Variants in MDN1 observed in about 807,000 individuals in gnomAD.
MDN1 encodes the protein midasin.
A neutral mutation model predicts 669.2 loss-of-function variants in MDN1; 266 were observed. The ratio of observed to expected loss-of-function variants is 0.40; its 90% confidence interval spans 0.36 to 0.44. MDN1 has a LOEUF of 0.44. Ranked by LOEUF, MDN1 falls within the 20% of genes least tolerant of loss-of-function variation. MDN1 has a pLI of 1.00. For missense variants in MDN1, 5,940 were observed against 6,754.0 expected, an observed-to-expected ratio of 0.88 and a Z score of 4.22; for synonymous variants, 2,385 against 2,457.1, an observed-to-expected ratio of 0.97 and a Z score of 0.87.
rs376414809 is a variant in MDN1 at position 89,673,229 on chromosome 6, T to A, written c.13474+7A>T. ...CTTTCATTCCCTGACTGAACAATAT[T>A]CCTTACCTCCTTGGCTATCTGAAGT... On this transcript the variant is annotated splice_region_variant and intron_variant, in intron 80 of 101. Transcript: ENST00000369393. 7 of 1,607,742 alleles carry A rather than the reference T, an allele frequency of 4.4e-6. No individual in the cohort carries two copies. Among genetic ancestry groups the A allele is most frequent in the Non-Finnish European group, 6.0e-6 (7 of 1,174,206 alleles).
intron 10 of MDN1, 109 bp downstream of exon 10, chr6:89,781,290 G>T: frequency 1.9e-6 from 2 of 1,033,014 alleles, no homozygotes; most frequent in Non-Finnish European, 2.9e-6. Flanking sequence ...GGCGGAGGTT[G>T]GAGTGAGCCA....
At chr6:89,673,189 C>CA in intron 80 of MDN1, 47 bp downstream of exon 80, 1 of 1,477,550 alleles carries the variant, frequency 6.8e-7, no homozygotes, top group East Asian at 2.3e-5. Context: ...TATAAGACAT[C>CA]ATTTCTACAC....
chr6:89,701,778 G>A (rs1813178634), intron 54 of MDN1, 100 bp from the exon 55 acceptor site: 5 of 1,520,606 alleles, frequency 3.3e-6, no homozygotes, highest in South Asian at 2.6e-5. Context: ...TCTTTTAATT[G>A]TACATTCACC....
intron 10 of MDN1, among the ~76,000 whole-genome samples, chr6:89,780,543 T>C (rs1818615201): frequency 6.6e-6 from 1 of 151,858 alleles, no homozygotes; most frequent in South Asian, 2.1e-4. Context: ...TTCCAGGAAG[T>C]GACCTACCAA....
At chr6:89,696,018 A>G (rs1489288092) in intron 60 of MDN1, 26 bp from the exon 61 acceptor site, 2 of 1,591,494 alleles carry the variant, frequency 1.3e-6, no homozygotes, top group Non-Finnish European at 8.6e-7. Flanking sequence ...GAAAGCACTG[A>G]AAGGTTTGTA....
Position 89,718,647 on chromosome 6 carries a change from T to C in MDN1, c.6322-20A>G, listed in dbSNP as rs1019461852. The stretch of plus-strand genomic sequence containing the variant: ...ATCAACCTGTAATTTCCAGAGGACA[T>C]GAACTCATCATAGGGTCAGAGAATA... On this transcript the variant is annotated intron_variant, in intron 42 of 101. Transcript: ENST00000369393. The C allele has an allele frequency of 6.2e-7, 1 of 1,611,988 alleles. No individual in the cohort carries two copies.
chr6:89,738,227 C>A, intron 33 of MDN1, 99 bp downstream of exon 33: 8 of 1,371,238 alleles, frequency 5.8e-6, no homozygotes, highest in Non-Finnish European at 8.0e-6. Flanking sequence ...TATAACACAC[C>A]ATATACACAC....
chr6:89,734,691 A>AGAGAGAGAGAGAGAG (rs370691129), intron 33 of MDN1, among the ~76,000 whole-genome samples: 1,727 of 112,842 alleles, frequency 0.015, 68 homozygotes, highest in East Asian at 0.021. Context: ...AAAAAAAAAC[A>AGAGAGAGAGAGAGAG]AGAGAGAGAG....
chr6:89,815,261 C>CTCT (rs1259140045), intron 1 of MDN1: 1 of 435,002 alleles, frequency 2.3e-6, no homozygotes, highest in Non-Finnish European at 4.5e-6. Flanking sequence ...GCTCTCCCAG[C>CTCT]GCATCTGATA....
At chr6:89,718,338 C>A in intron 43 of MDN1, 28 bp downstream of exon 43, 1 of 1,602,420 alleles carries the variant, frequency 6.2e-7, no homozygotes, top group Non-Finnish European at 8.5e-7. Flanking sequence ...ATGGTAAGTT[C>A]CTGATACAGA....
intron 30 of MDN1, 106 bp downstream of exon 30, chr6:89,743,470 G>T: frequency 7.2e-7 from 1 of 1,396,314 alleles, no homozygotes; most frequent in Non-Finnish European, 9.8e-7. Context: ...CTGCAGATAT[G>T]CACATTTAAC....
chr6:89,742,175 G>A (rs1816329235), intron 31 of MDN1, among the ~76,000 whole-genome samples: 1 of 151,842 alleles, frequency 6.6e-6, no homozygotes, highest in African/African-American at 2.4e-5. Context: ...CACTTTGGGA[G>A]GCCAAGGTGG....
chr6:89,693,754 G>A (rs532176524), intron 62 of MDN1, among the ~76,000 whole-genome samples: 106 of 152,148 alleles, frequency 7.0e-4, no homozygotes, highest in African/African-American at 2.0e-3. Context: ...TCCCCAACCC[G>A]TACCATATTT....
At chr6:89,727,224 A>G (rs2768938) in intron 37 of MDN1, among the ~76,000 whole-genome samples, 27,582 of 152,100 alleles carry the variant, frequency 0.18, 2,814 homozygotes, top group South Asian at 0.31. Flanking sequence ...GACCTGTTGC[A>G]GCCTGTGTCC....
At chr6:89,697,570 C>T (rs567132601) in intron 59 of MDN1, among the ~76,000 whole-genome samples, 249 of 151,746 alleles carry the variant, frequency 1.6e-3, no homozygotes, top group African/African-American at 5.7e-3. Flanking sequence ...AATAAACTGA[C>T]GCTGAACAAC....
chr6:89,662,362 A>C (rs747666559), intron 86 of MDN1, 123 bp from the exon 87 acceptor site: 92 of 973,510 alleles, frequency 9.5e-5, no homozygotes, highest in Non-Finnish European at 1.3e-4. Context: ...TGGCTGATAA[A>C]GTGCCATCCG....
At chr6:89,772,827 C>G in intron 13 of MDN1, 106 bp from the exon 14 acceptor site, 1 of 1,215,590 alleles carries the variant, frequency 8.2e-7, no homozygotes. Context: ...GAGAAAACAG[C>G]TCACAGTAAC....
At chr6:89,795,717 G>C (rs964736234) in intron 2 of MDN1, among the ~76,000 whole-genome samples, 7 of 152,214 alleles carry the variant, frequency 4.6e-5, no homozygotes, top group South Asian at 2.1e-4. Flanking sequence ...ACTTTCGGAG[G>C]CTGAGGCGGG....
intron 70 of MDN1, 136 bp downstream of exon 70, chr6:89,685,691 G>A: frequency 1.1e-6 from 1 of 935,908 alleles, no homozygotes; most frequent in South Asian, 1.7e-5. Context: ...TATCTAATGT[G>A]AATCGCATTA....
Sources: gnomAD v4.1 joint callset for allele counts (sites outside exome capture counted in the v4.1 genomes callset) on GRCh38, gnomAD v4.1.1 for gene constraint, MANE v1.5 for transcripts, NCBI Gene and HGNC (gene_info 2026-07-23, HGNC 2026-07-21) for gene names.